LYPD6: variants seen among roughly 807,000 people sequenced by gnomAD.
LYPD6 encodes ly6/PLAUR domain-containing protein 6.
Under a neutral mutation model 22.7 loss-of-function variants are expected in LYPD6, and 15 were observed. That is an observed-to-expected ratio of 0.66 (90% CI 0.44 to 1.02). The LOEUF is 1.02. LYPD6 is among the 50% of genes least tolerant of loss of function. The pLI is 0.00. For missense variants in LYPD6, 189 were observed against 208.4 expected (o/e 0.91, Z 0.57); for synonymous variants, 72 against 77.5 (o/e 0.93, Z 0.37).
chr2:149,440,764 G>A (rs983246160), intron 2 of LYPD6, among the ~76,000 whole-genome samples: 1 of 141,484 alleles, frequency 7.1e-6, no homozygotes, highest in East Asian at 2.1e-4. Flanking sequence ...GCAGTGGTGC[G>A]ATCTTGGCTC....
At chr2:149,419,017 T>G (rs1683023657) in intron 1 of LYPD6, among the ~76,000 whole-genome samples, 1 of 152,250 alleles carries the variant, frequency 6.6e-6, no homozygotes. Context: ...TTGATCTTCC[T>G]TAGCTTACTC....
At chr2:149,415,821 T>C (rs1682949836) in intron 1 of LYPD6, among the ~76,000 whole-genome samples, 1 of 149,250 alleles carries the variant, frequency 6.7e-6, no homozygotes, top group Non-Finnish European at 1.5e-5. Flanking sequence ...CGCACACCAC[T>C]GTGCCAGGCT....
chr2:149,354,755 G>A (rs748670510), intron 1 of LYPD6, among the ~76,000 whole-genome samples: 7 of 152,104 alleles, frequency 4.6e-5, no homozygotes, highest in Admixed American at 2.6e-4. Context: ...TGAAAAAGCC[G>A]ACATGCTTCA....
At chr2:149,350,595 A>G (rs1184944027) in intron 1 of LYPD6, among the ~76,000 whole-genome samples, 1 of 152,114 alleles carries the variant, frequency 6.6e-6, no homozygotes, top group South Asian at 2.1e-4. Flanking sequence ...TTTCTATCCT[A>G]TTCTTGGTGA....
At position 149,468,642 on chromosome 2, in the gene LYPD6, C is replaced by CAG. The variant is rs1558818830; in HGVS notation, c.219_220dup. 1 of 1,611,730 alleles carries CAG rather than the reference C, an allele frequency of 6.2e-7. No individual in the cohort carries two copies. The highest frequency in any genetic ancestry group is 8.5e-7 in the Non-Finnish European group (1 of 1,179,218). ...ATCTCAAATATATTTTCTCTGTTGA[C>CAG]AGAGACCAGATACTGCTACACTCAG... is the stretch of plus-strand genomic sequence containing the variant. On this transcript the variant is annotated splice_polypyrimidine_tract_variant and splice_region_variant and intron_variant, in intron 3 of 4. Transcript: ENST00000334166.
chr2:149,412,919 C>T (rs528644697), intron 1 of LYPD6, among the ~76,000 whole-genome samples: 23 of 152,264 alleles, frequency 1.5e-4, no homozygotes, highest in African/African-American at 5.3e-4. Flanking sequence ...TCATGCTCTC[C>T]ATACTACCTT....
At chr2:149,350,774 T>G (rs1681343917) in intron 1 of LYPD6, among the ~76,000 whole-genome samples, 1 of 152,224 alleles carries the variant, frequency 6.6e-6, no homozygotes, top group Non-Finnish European at 1.5e-5. Context: ...TGCACTTGTT[T>G]TTATTCTGTA....
At chr2:149,367,989 A>G (rs545160456) in intron 1 of LYPD6, 8 of 152,362 alleles carry the variant, frequency 5.3e-5, no homozygotes, top group African/African-American at 1.7e-4. Flanking sequence ...TACCGTGAAT[A>G]TAAGTAGAAG....
intron 1 of LYPD6, among the ~76,000 whole-genome samples, chr2:149,360,964 A>G (rs76835693): frequency 0.078 from 11,815 of 152,174 alleles, 475 homozygotes; most frequent in African/African-American, 0.1. Context: ...GCTCAATTCT[A>G]TGCATGCGTA....
At chr2:149,377,214 T>C (rs533826019) in intron 1 of LYPD6, among the ~76,000 whole-genome samples, 1 of 151,708 alleles carries the variant, frequency 6.6e-6, no homozygotes, top group East Asian at 1.9e-4. Context: ...TTTTTTTTTT[T>C]CTTGGAAACA....
intron 1 of LYPD6, among the ~76,000 whole-genome samples, chr2:149,408,164 AGGCTGCTCGGGGGT>A: frequency 6.6e-6 from 1 of 152,130 alleles, no homozygotes; most frequent in Admixed American, 6.5e-5. Context: ...CCTCCCAGTT[AGGCTGCTCGGGGGT>A]CAGGGGTCAG....
chr2:149,405,712 G>A lies in LYPD6; in HGVS notation c.-71-31926G>A, dbSNP rs575485141. On this transcript the variant is annotated intron_variant, in intron 1 of 4. Transcript: ENST00000334166. ...CCTGGATTCATTAATTGTTTGAAGG[G>A]TTTTTTGTGTCTCTATTTCCTTCAG... Among the ~76,000 whole-genome samples, 1,180 of 151,970 alleles carry A rather than the reference G, an allele frequency of 7.8e-3. 15 individuals are homozygous for A. The highest frequency in any genetic ancestry group is 0.026 in the African/African-American group (1,065 of 41,372).
intron 1 of LYPD6, among the ~76,000 whole-genome samples, chr2:149,419,360 T>C (rs1276823220): frequency 2.0e-5 from 3 of 152,344 alleles, no homozygotes; most frequent in African/African-American, 7.2e-5. Flanking sequence ...CTACTCCTAA[T>C]TGGTTCTGAG....
chr2:149,433,362 G>GCACA (rs1683358982), intron 1 of LYPD6, among the ~76,000 whole-genome samples: 3 of 152,158 alleles, frequency 2.0e-5, no homozygotes, highest in Admixed American at 2.0e-4. Flanking sequence ...ACCATCCTGT[G>GCACA]CACACACAGG....
chr2:149,349,776 C>T (rs1681325502), intron 1 of LYPD6, among the ~76,000 whole-genome samples: 1 of 152,140 alleles, frequency 6.6e-6, no homozygotes, highest in East Asian at 1.9e-4. Context: ...GTTTCACAGA[C>T]TTTATAGACT....
chr2:149,441,636 T>C lies in LYPD6; in HGVS notation c.118+3810T>C, dbSNP rs544482676. Among the ~76,000 whole-genome samples the C allele has an allele frequency of 2.6e-5, 4 of 152,390 alleles. No individual in the cohort carries two copies. The South Asian group carries it at 6.2e-4, about 24-fold the overall frequency. On this transcript the variant is annotated intron_variant, in intron 2 of 4. Coordinates refer to ENST00000334166, the MANE Select transcript of LYPD6 (RefSeq NM_194317.5). Reference sequence around the variant, plus strand: ...TCTATAATCCTTGTGTCATTTGTTGTTGAGTTTTTCTTTGCTTGTTTTTAT... The same window carrying C: ...TCTATAATCCTTGTGTCATTTGTTGCTGAGTTTTTCTTTGCTTGTTTTTAT...
At chr2:149,452,160 G>C (rs2105165415) in intron 3 of LYPD6, among the ~76,000 whole-genome samples, 1 of 152,314 alleles carries the variant, frequency 6.6e-6, no homozygotes, top group East Asian at 1.9e-4. Context: ...GATGGGGAGA[G>C]AGCTGACCTG....
At chr2:149,386,669 G>A (rs1682191985) in intron 1 of LYPD6, among the ~76,000 whole-genome samples, 1 of 152,174 alleles carries the variant, frequency 6.6e-6, no homozygotes, top group Non-Finnish European at 1.5e-5. Context: ...AGACATTTTA[G>A]AACAAATCTG....
chr2:149,451,108 T>C (rs1199603810), intron 3 of LYPD6, among the ~76,000 whole-genome samples: 3 of 152,196 alleles, frequency 2.0e-5, no homozygotes, highest in Non-Finnish European at 4.4e-5. Context: ...TTCTCGCAGT[T>C]CTTGAGGCTG....
Sources: gnomAD v4.1 joint callset for allele counts (sites outside exome capture counted in the v4.1 genomes callset) on GRCh38, gnomAD v4.1.1 for gene constraint, MANE v1.5 for transcripts, NCBI Gene and HGNC (gene_info 2026-07-23, HGNC 2026-07-21) for gene names.